Variants in TPD52L1 observed in about 807,000 individuals in gnomAD.
The protein encoded by TPD52L1 is tumor protein D53.
A neutral mutation model predicts 28.7 loss-of-function variants in TPD52L1; 18 were observed. That is an observed-to-expected ratio of 0.63 (90% CI 0.43 to 0.93). The LOEUF is 0.93. Ranked by LOEUF, TPD52L1 falls within the 40% of genes least tolerant of loss-of-function variation. TPD52L1 has a pLI of 0.00. For synonymous variants in TPD52L1, 75 were observed against 88.8 expected (o/e 0.84, Z 0.88); for missense variants, 203 against 254.8 (o/e 0.80, Z 1.39).
At chr6:125,234,409 T>C (rs923880735) in intron 3 of TPD52L1, 1 of 152,250 alleles carries the variant, frequency 6.6e-6, no homozygotes, top group Admixed American at 6.5e-5. Flanking sequence ...ATTCCGCTCC[T>C]GTAGCTGAAG....
At chr6:125,261,277 A>G (rs903995318) in intron 6 of TPD52L1, 1 of 152,106 alleles carries the variant, frequency 6.6e-6, no homozygotes, top group East Asian at 1.9e-4. Flanking sequence ...TTTTAGTGAC[A>G]ATTAGAGCGA....
chr6:125,244,021 T>C (rs1385335710), intron 3 of TPD52L1, among the ~76,000 whole-genome samples: 12 of 152,148 alleles, frequency 7.9e-5, no homozygotes. Flanking sequence ...TAATGTTTAT[T>C]TTAGCCTAAT....
chr6:125,194,043 T>TC (rs1793243619), intron 1 of TPD52L1, among the ~76,000 whole-genome samples: 1 of 110,612 alleles, frequency 9.0e-6, no homozygotes, highest in Non-Finnish European at 1.9e-5. Context: ...TTTTTTTTTT[T>TC]CTAAAAAAAC....
intron 1 of TPD52L1, among the ~76,000 whole-genome samples, chr6:125,188,559 T>C (rs1792809367): frequency 6.6e-6 from 1 of 152,196 alleles, no homozygotes; most frequent in African/African-American, 2.4e-5. Flanking sequence ...TGCATGCCTG[T>C]GTGTGTGTGC....
intron 3 of TPD52L1, among the ~76,000 whole-genome samples, chr6:125,247,172 G>T (rs1181163147): frequency 6.6e-6 from 1 of 152,036 alleles, no homozygotes; most frequent in African/African-American, 2.4e-5. Context: ...AGGGTATAAT[G>T]TTTTCTTACA....
At chr6:125,204,572 T>C (rs1012624042) in intron 1 of TPD52L1, among the ~76,000 whole-genome samples, 6 of 152,054 alleles carry the variant, frequency 3.9e-5, no homozygotes, top group East Asian at 1.9e-4. Context: ...CTCCGCCTCC[T>C]GGGTTCACGC....
intron 1 of TPD52L1, chr6:125,208,840 C>A: frequency 1.1e-6 from 1 of 915,692 alleles, no homozygotes; most frequent in Non-Finnish European, 1.3e-6. Flanking sequence ...GGTGACAGCA[C>A]TCCCAGGGAG....
chr6:125,261,129 T>A (rs907608165), intron 6 of TPD52L1: 1 of 151,954 alleles, frequency 6.6e-6, no homozygotes, highest in African/African-American at 2.4e-5. Flanking sequence ...AAGAACTGAT[T>A]TGAGTATCTG....
intron 1 of TPD52L1, among the ~76,000 whole-genome samples, chr6:125,185,943 G>T (rs370323826): frequency 3.7e-4 from 54 of 145,556 alleles, no homozygotes; most frequent in African/African-American, 1.3e-3. Context: ...GCCCCAGCTA[G>T]AGTGCAGTGG....
In TPD52L1 at chr6:125,240,228, C is replaced by T. The variant is rs921753823; in HGVS notation, c.285-8054C>T. Reference sequence around the variant, plus strand: ...ACCATGCTATTTTGGTAACTACAGCCTTGTAGTATAGTTTGAAGTCTGGTA... The same window carrying T: ...ACCATGCTATTTTGGTAACTACAGCTTTGTAGTATAGTTTGAAGTCTGGTA... On this transcript the variant is annotated intron_variant, in intron 3 of 6. Transcript: ENST00000534000. Among the ~76,000 whole-genome samples the T allele has an allele frequency of 8.5e-5, 13 of 152,214 alleles. No homozygotes were observed. The East Asian group carries it at 2.3e-3, about 27-fold the overall frequency.
At chr6:125,213,565 G>A (rs1217516811) in intron 1 of TPD52L1, among the ~76,000 whole-genome samples, 1 of 152,126 alleles carries the variant, frequency 6.6e-6, no homozygotes, top group East Asian at 1.9e-4. Context: ...TCTGGCCAGG[G>A]CTGGTAACCC....
chr6:125,200,978 A>G (rs1793767159), intron 1 of TPD52L1, among the ~76,000 whole-genome samples: 1 of 152,124 alleles, frequency 6.6e-6, no homozygotes, highest in African/African-American at 2.4e-5. Context: ...AGCATATTTC[A>G]TTTTTCAGAC....
In TPD52L1 at chr6:125,153,775, A is replaced by C. The variant is rs1789924062; in HGVS notation, c.-177A>C. ...GACTGGAAGGGGCGGAGGTAACCAGAAGCGGCTAGTGGCGGCTGCCTGCGT... is the reference window on the plus strand; with the variant it reads ...GACTGGAAGGGGCGGAGGTAACCAGCAGCGGCTAGTGGCGGCTGCCTGCGT... On this transcript the variant is annotated 5_prime_UTR_variant, in exon 1 of 7. Coordinates refer to ENST00000534000, the MANE Select transcript of TPD52L1 (RefSeq NM_003287.4). 1 of 630,332 alleles carries C rather than the reference A, an allele frequency of 1.6e-6. No individual in the cohort carries two copies. Among genetic ancestry groups the C allele is most frequent in the African/African-American group, 1.9e-5 (1 of 52,656 alleles). 39.0% of individuals were successfully genotyped at this position (630,332 alleles called of 1,614,324 possible).
At chr6:125,195,076 T>C (rs1382204419) in intron 1 of TPD52L1, among the ~76,000 whole-genome samples, 4 of 152,228 alleles carry the variant, frequency 2.6e-5, no homozygotes, top group Admixed American at 2.6e-4. Context: ...GCAATTTGAT[T>C]GGTTGTATAG....
chr6:125,182,022 G>A (rs553789340), intron 1 of TPD52L1, among the ~76,000 whole-genome samples: 2 of 152,240 alleles, frequency 1.3e-5, no homozygotes, highest in East Asian at 1.9e-4. Context: ...GCTTCCCCTC[G>A]GATACCTCTG....
At chr6:125,185,573 G>A (rs1011967796) in intron 1 of TPD52L1, among the ~76,000 whole-genome samples, 2 of 151,804 alleles carry the variant, frequency 1.3e-5, no homozygotes, top group Non-Finnish European at 1.5e-5. Context: ...AGAAAACAAT[G>A]AAAAGGAGAA....
intron 1 of TPD52L1, among the ~76,000 whole-genome samples, chr6:125,180,587 C>A (rs1320876516): frequency 6.6e-6 from 1 of 151,762 alleles, no homozygotes; most frequent in Non-Finnish European, 1.5e-5. Flanking sequence ...CACACACACA[C>A]ACACACACTC....
At chr6:125,153,996 A>C in intron 1 of TPD52L1, 26 bp downstream of exon 1, 2 of 1,601,244 alleles carry the variant, frequency 1.2e-6, no homozygotes, top group Non-Finnish European at 1.7e-6. Context: ...TCGCCCCGAG[A>C]GTCAGGTCCT....
chr6:125,196,509 T>G (rs1273697634), intron 1 of TPD52L1, among the ~76,000 whole-genome samples: 2 of 152,260 alleles, frequency 1.3e-5, no homozygotes, highest in African/African-American at 4.8e-5. Context: ...GATCGCCAAA[T>G]TATTTTTAAG....
Sources: allele counts gnomAD v4.1 joint callset (sites outside exome capture counted in the v4.1 genomes callset), GRCh38; gene constraint gnomAD v4.1.1; transcripts MANE v1.5; gene names NCBI Gene and HGNC (gene_info 2026-07-23, HGNC 2026-07-21).